LPL: variants seen among roughly 807,000 people sequenced by gnomAD.
LPL encodes the protein lipoprotein lipase.
Under a neutral mutation model 52.2 loss-of-function variants are expected in LPL, and 43 were observed. That is an observed-to-expected ratio of 0.82 (90% CI 0.64 to 1.06). LPL has a LOEUF of 1.06. Among genes scored for constraint, LPL ranks in the 50% least tolerant of loss-of-function variants. LPL has a pLI of 0.00. For missense variants in LPL, 639 were observed against 585.3 expected, an observed-to-expected ratio of 1.09 and a Z score of -0.95; for synonymous variants, 244 against 215.6, an observed-to-expected ratio of 1.13 and a Z score of -1.15.
At chr8:19,952,020 T>C in intron 3 of LPL, 72 bp downstream of exon 3, 1 of 1,505,588 alleles carries the variant, frequency 6.6e-7, no homozygotes, top group Non-Finnish European at 9.2e-7. Flanking sequence ...CCGGCTGTTC[T>C]TTCTTCCTTT....
chr8:19,964,016 G>A (rs1490185415), intron 9 of LPL, among the ~76,000 whole-genome samples: 4 of 151,550 alleles, frequency 2.6e-5, no homozygotes, highest in South Asian at 2.1e-4. Context: ...GTAGTGGCTC[G>A]ATCTCAGCTC....
At chr8:19,945,145 G>C (rs1374206000) in intron 1 of LPL, among the ~76,000 whole-genome samples, 4 of 152,168 alleles carry the variant, frequency 2.6e-5, no homozygotes, top group African/African-American at 9.7e-5. Context: ...TGTTTCCTTA[G>C]TAACAATTGC....
intron 1 of LPL, among the ~76,000 whole-genome samples, chr8:19,947,126 C>G (rs911624244): frequency 1.3e-5 from 2 of 152,202 alleles, no homozygotes; most frequent in Admixed American, 6.5e-5. Context: ...TGAAGTATAT[C>G]TTGCCATAGG....
Position 19,959,099 on chromosome 8 carries a change from G to A in LPL, c.1019-161G>A, listed in dbSNP as rs192969750. On this transcript the variant is annotated intron_variant, in intron 6 of 9. Coordinates refer to ENST00000650287, the MANE Select transcript of LPL (RefSeq NM_000237.3). Reference sequence around the variant, plus strand: ...TGCATTTTCTAGGTATGAACACTGTGCATGATGAAGTCTTTCCAAGCCACA... The same window carrying A: ...TGCATTTTCTAGGTATGAACACTGTACATGATGAAGTCTTTCCAAGCCACA... 6.7e-4 allele frequency among the ~76,000 whole-genome samples: 102 copies of A among 152,294 alleles called. 1 individual carries two copies. Among genetic ancestry groups the A allele is most frequent in the Non-Finnish European group, 1.0e-3 (69 of 68,026 alleles).
At position 19,960,931 on chromosome 8, in the gene LPL, C is replaced by A; in HGVS notation, c.1170C>A (p.Ser390=). The change falls in exon 8 of 10, where the codon TCC becomes TCA. Residue 390 remains serine (S), a synonymous_variant. Transcript: ENST00000650287. The stretch of plus-strand genomic sequence containing the variant: ...AAGTTTCCACAAATAAGACCTACTC[C>A]TTCCTAATTTACACAGAGGTAGATA... ...LPEVSTNKTY[S]FLIYTEVDIG... is the part of the protein sequence containing the mutation. The A allele has an allele frequency of 6.2e-7, 1 of 1,613,940 alleles. No individual in the cohort carries two copies. Among genetic ancestry groups the A allele is most frequent in the South Asian group, 1.1e-5 (1 of 91,066 alleles).
In LPL at chr8:19,950,554, C is replaced by T. The variant is rs144709714; in HGVS notation, c.250-1215C>T. ...GTGGCTCATGCCTGTGATCCCAGCA[C>T]TCTGGGAGGCCAAGGCAGGCAGATC... is the stretch of plus-strand genomic sequence containing the variant. On this transcript the variant is annotated intron_variant, in intron 2 of 9. Transcript: ENST00000650287. This position sits in a 1 kb window ranked among gnomAD's most constrained non-coding sequence, Gnocchi z 4.2. 6.6e-6 allele frequency among the ~76,000 whole-genome samples: 1 copy of T among 152,178 alleles called. No homozygotes were observed. Among genetic ancestry groups the T allele is most frequent in the Non-Finnish European group, 1.5e-5 (1 of 68,030 alleles).
rs1056860104 is a variant in LPL at position 19,955,703 on chromosome 8, A to G, written c.776-138A>G. ...AAGAATATCTCCTGAAATAGGGCCTACAATCATAAATGCACAGGACTATAT... is the reference window on the plus strand; with the variant it reads ...AAGAATATCTCCTGAAATAGGGCCTGCAATCATAAATGCACAGGACTATAT... On this transcript the variant is annotated intron_variant, in intron 5 of 9. Coordinates refer to ENST00000650287, the MANE Select transcript of LPL (RefSeq NM_000237.3). 185 of 1,142,764 alleles carry G rather than the reference A, an allele frequency of 1.6e-4. No individual in the cohort carries two copies. In the Admixed American group the frequency reaches 3.2e-3, roughly 20 times the overall value. 70.8% of individuals were successfully genotyped at this position (1,142,764 alleles called of 1,614,324 possible). A position where few individuals can be genotyped will look rare whatever the true frequency, so the allele number is the denominator to read the frequency against.
At chr8:19,957,440 G>A (rs2069995687) in intron 6 of LPL, among the ~76,000 whole-genome samples, 1 of 152,160 alleles carries the variant, frequency 6.6e-6, no homozygotes, top group Non-Finnish European at 1.5e-5. Context: ...GTGCTTCAAG[G>A]AAACCTTAAC....
chr8:19,945,235 A>G (rs779450660), intron 1 of LPL, among the ~76,000 whole-genome samples: 77 of 152,168 alleles, frequency 5.1e-4, no homozygotes, highest in Non-Finnish European at 5.6e-4. Context: ...CCCCACAGCC[A>G]CATGGTCTAA....
intron 7 of LPL, among the ~76,000 whole-genome samples, chr8:19,960,539 T>C (rs1255422840): frequency 6.6e-6 from 1 of 152,090 alleles, no homozygotes; most frequent in Non-Finnish European, 1.5e-5. Flanking sequence ...CTGAAGAGAA[T>C]AAAGAATAGA....
chr8:19,955,368 G>T (rs546752249), intron 5 of LPL, among the ~76,000 whole-genome samples: 1 of 152,198 alleles, frequency 6.6e-6, no homozygotes, highest in East Asian at 1.9e-4. Flanking sequence ...GCACGTGATG[G>T]TTTGACTTAA....
chr8:19,951,795 G>A lies in LPL; in HGVS notation c.276G>A (p.Val92=), dbSNP rs551959021. The change falls in exon 3 of 10, where the codon GTG becomes GTA. Residue 92 remains valine (V), a synonymous_variant. Coordinates refer to ENST00000650287, the MANE Select transcript of LPL (RefSeq NM_000237.3). ...WTVTGMYESW[V]PKLVAALYKR... is the part of the protein sequence containing the mutation. ...TAACAGGAATGTATGAGAGTTGGGT[G>A]CCAAAACTTGTGGCCGCCCTGTACA... 240 of 1,614,206 alleles carry A rather than the reference G, an allele frequency of 1.5e-4. 2 individuals carry two copies. In the South Asian group the frequency reaches 2.5e-3, roughly 17 times the overall value.
In LPL at chr8:19,945,347, A is replaced by C. The variant is rs945609258; in HGVS notation, c.89-2833A>C. ...AAACACAGGTAGTGTGAAAATTATC[A>C]GAACATCCAAGAAAAGGAAAGTTTG... On this transcript the variant is annotated intron_variant, in intron 1 of 9. Coordinates refer to ENST00000650287, the MANE Select transcript of LPL (RefSeq NM_000237.3). Among the ~76,000 whole-genome samples, 12 of 152,350 alleles carry C rather than the reference A, an allele frequency of 7.9e-5. 2 individuals carry two copies. Among genetic ancestry groups the C allele is most frequent in the Admixed American group, 5.2e-4 (8 of 15,308 alleles).
chr8:19,944,248 T>C lies in LPL; in HGVS notation c.89-3932T>C, dbSNP rs1426804300. The stretch of plus-strand genomic sequence containing the variant: ...CTGCATGTTAGAGAAGTCAAGAGCA[T>C]TACTTACGTTAGAATATCTGAACAG... On this transcript the variant is annotated intron_variant, in intron 1 of 9. Coordinates refer to ENST00000650287, the MANE Select transcript of LPL (RefSeq NM_000237.3). The surrounding 1 kb of genome is among the most constrained non-coding windows in gnomAD (Gnocchi z 4.2). Among the ~76,000 whole-genome samples the C allele has an allele frequency of 1.3e-5, 2 of 152,154 alleles. No individual in the cohort carries two copies. Among genetic ancestry groups the C allele is most frequent in the East Asian group, 3.9e-4 (2 of 5,188 alleles).
At chr8:19,962,730 G>C (rs2070051020) in intron 9 of LPL, among the ~76,000 whole-genome samples, 1 of 152,208 alleles carries the variant, frequency 6.6e-6, no homozygotes, top group African/African-American at 2.4e-5. Context: ...GCTGCCCCAA[G>C]CACCCATCTC....
Position 19,948,272 on chromosome 8 carries a change from G to C in LPL, c.181G>C (p.Ala61Pro). The change falls in exon 2 of 10, where the codon GCA (alanine) becomes CCA (proline). Residue 61 changes from alanine to proline, a missense_variant. Physicochemically the swap from Ala to Pro is conservative, Grantham distance 27 (BLOSUM62 -1). Transcript: ENST00000650287. ...CACTTGCCACCTCATTCCCGGAGTA[G>C]CAGAGTCCGTGGCTACCTGTCATTT... ...EDTCHLIPGV[A>P]ESVATCHFNH... The C allele has an allele frequency of 6.2e-7, 1 of 1,614,144 alleles. No homozygotes were observed. The highest frequency in any genetic ancestry group is 8.5e-7 in the Non-Finnish European group (1 of 1,180,024).
chr8:19,963,727 A>C (rs1381534023), intron 9 of LPL, among the ~76,000 whole-genome samples: 3 of 152,152 alleles, frequency 2.0e-5, no homozygotes, highest in Non-Finnish European at 4.4e-5. Flanking sequence ...TGACTAGATG[A>C]GAACATCTGG....
chr8:19,956,072 T>G lies in LPL; in HGVS notation c.1007T>G (p.Met336Arg). ...SKMYLKTRSQ[M>R]PYKVFHYQVK... ...ATGTACCTGAAGACTCGTTCTCAGATGCCCTACAAAGGTAGGCTGGAGACT... is the reference window on the plus strand; with the variant it reads ...ATGTACCTGAAGACTCGTTCTCAGAGGCCCTACAAAGGTAGGCTGGAGACT... Residue 336 changes from methionine to arginine, a missense_variant, in exon 6 of 10, where the codon ATG (methionine) becomes AGG (arginine). Met to Arg is a moderately conservative substitution (Grantham distance 91). Coordinates refer to ENST00000650287, the MANE Select transcript of LPL (RefSeq NM_000237.3). 6.2e-7 allele frequency: 1 copy of G among 1,614,190 alleles called. No homozygotes were observed. The highest frequency in any genetic ancestry group is 1.3e-5 in the African/African-American group (1 of 75,054).
At position 19,954,338 on chromosome 8, in the gene LPL, G is replaced by A. The variant is rs1339509016; in HGVS notation, c.760G>A (p.Glu254Lys). Residue 254 changes from glutamate to lysine, a missense_variant, in exon 5 of 10, where the codon GAG (glutamate) becomes AAG (lysine). Glu to Lys is a moderately conservative substitution (Grantham distance 56). Transcript: ENST00000650287. ...TGGAGAAGCTATCCGCGTGATTGCA[G>A]AGAGAGGACTTGGAGGTAAATATTA... ...NIGEAIRVIA[E>K]RGLGDVDQLV... 1.2e-6 allele frequency: 2 copies of A among 1,613,960 alleles called. No individual in the cohort carries two copies. Among genetic ancestry groups the A allele is most frequent in the Admixed American group, 1.7e-5 (1 of 60,018 alleles).
Sources: gnomAD v4.1 joint callset for allele counts (sites outside exome capture counted in the v4.1 genomes callset) on GRCh38, gnomAD v4.1.1 for gene constraint, Gnocchi (gnomAD v3.1) non-coding constraint, MANE v1.5 for transcripts, NCBI Gene and HGNC (gene_info 2026-07-23, HGNC 2026-07-21) for gene names.